NAALADL2: variants seen among roughly 807,000 people sequenced by gnomAD.
NAALADL2 encodes inactive N-acetylated-alpha-linked acidic dipeptidase-like protein 2.
NAALADL2 carries 76 observed loss-of-function variants against 87.2 expected under a neutral mutation model. The observed-to-expected ratio is 0.87, with a 90% CI of 0.72 to 1.05. NAALADL2 has a LOEUF of 1.05. NAALADL2 is among the 50% of genes least tolerant of loss of function. NAALADL2 has a pLI of 0.00. For missense variants in NAALADL2, 1,089 were observed against 945.8 expected, an observed-to-expected ratio of 1.15 and a Z score of -1.99; for synonymous variants, 354 against 331.0, an observed-to-expected ratio of 1.07 and a Z score of -0.75.
intron 1 of NAALADL2, among the ~76,000 whole-genome samples, chr3:174,901,587 C>G (rs1045462183): frequency 6.6e-6 from 1 of 152,140 alleles, no homozygotes; most frequent in African/African-American, 2.4e-5. Context: ...GCCTCAAGAT[C>G]TTCTTGTAAA....
intron 2 of NAALADL2, among the ~76,000 whole-genome samples, chr3:174,703,047 C>CT (rs1256445707): frequency 6.6e-6 from 1 of 151,268 alleles, no homozygotes; most frequent in Non-Finnish European, 1.5e-5. Flanking sequence ...AAGTAAGTCT[C>CT]TATCAATACA....
intron 1 of NAALADL2, among the ~76,000 whole-genome samples, chr3:174,477,089 C>T (rs2108321737): frequency 6.6e-6 from 1 of 151,854 alleles, no homozygotes; most frequent in South Asian, 2.1e-4. Context: ...AAGTGTGAAA[C>T]TCTGTCTCAA....
intron 2 of NAALADL2, among the ~76,000 whole-genome samples, chr3:175,114,593 C>T (rs6796537): frequency 0.61 from 91,673 of 151,496 alleles, 28,256 homozygotes; most frequent in African/African-American, 0.73. Flanking sequence ...GATACTCTGA[C>T]GAGGCATTAC....
rs1044900727 is a variant in NAALADL2 at position 174,555,457 on chromosome 3, A to G, written c.-115+4820A>G. ...CGGGATTACAGGCGCCCACCACCAC[A>G]CCCCACTAATTTTTGTATTTTTAGT... is the stretch of plus-strand genomic sequence containing the variant. On this transcript the variant is annotated intron_variant, in intron 2 of 3. Transcript: ENST00000434257. Among the ~76,000 whole-genome samples, 23 of 151,014 alleles carry G rather than the reference A, an allele frequency of 1.5e-4. No individual in the cohort carries two copies. In the East Asian group the frequency reaches 2.2e-3, roughly 14 times the overall value.
intron 11 of NAALADL2, among the ~76,000 whole-genome samples, chr3:175,726,913 T>C (rs1743007150): frequency 6.6e-6 from 1 of 151,988 alleles, no homozygotes; most frequent in Admixed American, 6.5e-5. Context: ...TGAGTTGCCT[T>C]CTTCTTCAAT....
chr3:174,858,599 A>T (rs1560293261), upstream of NAALADL2, among the ~76,000 whole-genome samples: 1 of 152,068 alleles, frequency 6.6e-6, no homozygotes, highest in Admixed American at 6.6e-5. Flanking sequence ...TGCATAACTG[A>T]TGTCAGTACA....
At chr3:175,570,748 C>T (rs1029278672) in intron 9 of NAALADL2, among the ~76,000 whole-genome samples, 4 of 151,772 alleles carry the variant, frequency 2.6e-5, no homozygotes, top group African/African-American at 4.8e-5. Context: ...GGCGTGGTGG[C>T]GGGCGCCTGT....
rs1038182636 is a variant in NAALADL2 at position 175,736,021 on chromosome 3, G to A, written c.1897-1285G>A. On this transcript the variant is annotated intron_variant, in intron 11 of 13. Coordinates refer to ENST00000454872, the MANE Select transcript of NAALADL2 (RefSeq NM_207015.3). ...CATTTCCCTGTGTGCTGCCTTCAGG[G>A]TTATAAGATATGTAGGGACATTCGT... Among the ~76,000 whole-genome samples, 3 of 152,110 alleles carry A rather than the reference G, an allele frequency of 2.0e-5. No individual in the cohort carries two copies. In the East Asian group the frequency reaches 5.8e-4, roughly 29 times the overall value.
At chr3:175,343,462 G>A (rs1762773207) in intron 5 of NAALADL2, among the ~76,000 whole-genome samples, 1 of 151,934 alleles carries the variant, frequency 6.6e-6, no homozygotes, top group South Asian at 2.1e-4. Flanking sequence ...TCTGAATTGT[G>A]TTGATGTTCA....
intron 1 of NAALADL2, among the ~76,000 whole-genome samples, chr3:174,934,944 G>T (rs78776613): frequency 0.042 from 6,352 of 151,600 alleles, 195 homozygotes; most frequent in Non-Finnish European, 0.062. Flanking sequence ...TAAAGTCATA[G>T]AATCTATGCA....
chr3:175,333,222 G>A (rs967243709), intron 5 of NAALADL2, among the ~76,000 whole-genome samples: 12 of 152,186 alleles, frequency 7.9e-5, no homozygotes, highest in African/African-American at 2.4e-4. Context: ...GTCAGCTGTG[G>A]TGGTGGTGGC....
rs774754852 is a variant in NAALADL2, at chr3:174,845,178, C to G, written c.-9+107432C>G. 1.1e-4 allele frequency among the ~76,000 whole-genome samples: 17 copies of G among 152,314 alleles called. No individual in the cohort carries two copies. The Middle Eastern group carries it at 0.01, about 91-fold the overall frequency. On this transcript the variant is annotated intron_variant, in intron 3 of 3. Coordinates refer to the NAALADL2 transcript ENST00000434257. ...ACCTAAGCACTGGGCCAAGGGCTGA[C>G]TGAATGGCTGTGCAGGACTCTCTTC...
intron 2 of NAALADL2, among the ~76,000 whole-genome samples, chr3:175,182,639 C>G (rs955021005): frequency 6.9e-6 from 1 of 144,460 alleles, no homozygotes; most frequent in Admixed American, 7.3e-5. Flanking sequence ...TCAACTGACC[C>G]TCCTGCCTCA....
At chr3:174,987,777 C>T (rs537536981) in intron 1 of NAALADL2, among the ~76,000 whole-genome samples, 1 of 135,064 alleles carries the variant, frequency 7.4e-6, no homozygotes, top group African/African-American at 3.3e-5. Context: ...CAGGCATGCA[C>T]TACCATACCT....
chr3:174,516,721 A>T (rs1286494883), intron 1 of NAALADL2, among the ~76,000 whole-genome samples: 2 of 152,008 alleles, frequency 1.3e-5, no homozygotes, highest in Non-Finnish European at 2.9e-5. Context: ...TTAAAATCAT[A>T]AGTTAGTTGT....
At chr3:175,050,004 G>T (rs1165359012) in intron 1 of NAALADL2, among the ~76,000 whole-genome samples, 2 of 152,158 alleles carry the variant, frequency 1.3e-5, no homozygotes, top group Admixed American at 1.3e-4. Context: ...GTCTGCGTGG[G>T]TTTTCTCCAG....
chr3:175,258,233 G>A (rs1334916377), intron 4 of NAALADL2, among the ~76,000 whole-genome samples: 2 of 151,164 alleles, frequency 1.3e-5, no homozygotes, highest in African/African-American at 2.4e-5. Context: ...GCTTGAACCC[G>A]GGAGGCAGAA....
intron 3 of NAALADL2, among the ~76,000 whole-genome samples, chr3:174,793,221 C>T (rs1333931176): frequency 2.6e-5 from 4 of 151,798 alleles, no homozygotes; most frequent in African/African-American, 9.7e-5. Context: ...GATGATTTAT[C>T]GTAATAATTA....
chr3:174,525,351 T>C (rs1045272790), intron 1 of NAALADL2, among the ~76,000 whole-genome samples: 1 of 152,226 alleles, frequency 6.6e-6, no homozygotes, highest in Non-Finnish European at 1.5e-5. Flanking sequence ...AGCATGATGC[T>C]GAATCTACTT....
Sources: gnomAD v4.1 joint callset for allele counts (sites outside exome capture counted in the v4.1 genomes callset) on GRCh38, gnomAD v4.1.1 for gene constraint, MANE v1.5 for transcripts, NCBI Gene and HGNC (gene_info 2026-07-23, HGNC 2026-07-21) for gene names.